The following ADAMTS6 variants were observed in gnomAD, a reference collection of about 807,000 sequenced individuals.
The protein encoded by ADAMTS6 is A disintegrin and metalloproteinase with thrombospondin motifs 6.
A neutral mutation model predicts 144.3 loss-of-function variants in ADAMTS6; 23 were observed. The ratio of observed to expected loss-of-function variants is 0.16; its 90% CI spans 0.11 to 0.23. ADAMTS6 has a LOEUF of 0.23. ADAMTS6 is among the 10% of genes least tolerant of loss of function. The pLI is 1.00. For synonymous variants in ADAMTS6, 444 were observed against 457.5 expected (o/e 0.97, Z 0.38); for missense variants, 999 against 1,379.6 (o/e 0.72, Z 4.37).
chr5:65,468,466 A>C (rs994622707), intron 3 of ADAMTS6, among the ~76,000 whole-genome samples: 1 of 151,984 alleles, frequency 6.6e-6, no homozygotes, highest in African/African-American at 2.4e-5. Flanking sequence ...GTAACATACA[A>C]AATAAGAATG....
chr5:65,465,550 T>G (rs1265701603), intron 3 of ADAMTS6, among the ~76,000 whole-genome samples: 1 of 152,226 alleles, frequency 6.6e-6, no homozygotes, highest in Non-Finnish European at 1.5e-5. Flanking sequence ...TTGAAATAAC[T>G]GTCTACATAC....
chr5:65,355,467 C>T (rs911914166), intron 7 of ADAMTS6, among the ~76,000 whole-genome samples: 2 of 151,802 alleles, frequency 1.3e-5, no homozygotes, highest in African/African-American at 4.8e-5. Context: ...CTGTGACACC[C>T]ACATCTGGCA....
rs1454639034 is a variant in ADAMTS6, at chr5:65,473,648, G to C, written c.26C>G (p.Thr9Ser). The C allele has an allele frequency of 1.7e-5, 28 of 1,613,590 alleles. 1 individual carries two copies. Among genetic ancestry groups the C allele is most frequent in the Non-Finnish European group, 2.3e-5 (27 of 1,179,692 alleles). MEILWKTL[T>S]WILSLIMASS... ...AGCCATGATGAGGCTCAAAATCCAG[G>C]TCAACGTCTTCCACAAAATTTCCAT... The change falls in exon 2 of 25, where the codon ACC becomes AGC. Residue 9 changes from threonine (T) to serine (S), a missense_variant. Transcript: ENST00000381055.
intron 1 of ADAMTS6, among the ~76,000 whole-genome samples, chr5:65,478,392 A>G (rs767810732): frequency 7.2e-5 from 11 of 152,192 alleles, no homozygotes; most frequent in Non-Finnish European, 1.3e-4. Context: ...TAGCAGAAAC[A>G]TCATTATGTT....
intron 14 of ADAMTS6, among the ~76,000 whole-genome samples, chr5:65,249,900 C>T (rs1346379804): frequency 6.6e-6 from 1 of 152,142 alleles, no homozygotes; most frequent in Non-Finnish European, 1.5e-5. Context: ...CTATCTGGTT[C>T]TCAGCTAGCT....
intron 9 of ADAMTS6, among the ~76,000 whole-genome samples, chr5:65,302,839 A>G (rs1333998516): frequency 6.6e-6 from 1 of 152,198 alleles, no homozygotes; most frequent in East Asian, 1.9e-4. Flanking sequence ...TCATGTTAAG[A>G]TAGGTGTGTA....
intron 20 of ADAMTS6, among the ~76,000 whole-genome samples, chr5:65,208,342 G>A (rs147940953): frequency 3.9e-5 from 6 of 152,290 alleles, no homozygotes; most frequent in Admixed American, 6.5e-5. Context: ...AAGACTCTCT[G>A]GGGGTGGGGA....
chr5:65,323,927 C>T (rs1361679912), intron 9 of ADAMTS6, among the ~76,000 whole-genome samples: 8 of 152,094 alleles, frequency 5.3e-5, no homozygotes, highest in African/African-American at 1.7e-4. Context: ...TTTTGAGAAG[C>T]GTCTGTTCAT....
At chr5:65,323,484 A>C (rs1745841201) in intron 9 of ADAMTS6, among the ~76,000 whole-genome samples, 1 of 151,976 alleles carries the variant, frequency 6.6e-6, no homozygotes, top group South Asian at 2.1e-4. Flanking sequence ...TCCATGGTGC[A>C]TATGTGCCAC....
intron 3 of ADAMTS6, among the ~76,000 whole-genome samples, chr5:65,468,412 C>T (rs1489539516): frequency 6.8e-6 from 1 of 147,066 alleles, no homozygotes; most frequent in Non-Finnish European, 1.5e-5. Flanking sequence ...GCACTCCAGC[C>T]TGGGCAAGAG....
At chr5:65,283,882 C>T (rs1253845083) in intron 11 of ADAMTS6, among the ~76,000 whole-genome samples, 2 of 152,024 alleles carry the variant, frequency 1.3e-5, no homozygotes, top group Non-Finnish European at 1.5e-5. Flanking sequence ...AATTTGTTAC[C>T]AGCAATCAAA....
At chr5:65,260,079 G>A (rs983834965) in intron 14 of ADAMTS6, among the ~76,000 whole-genome samples, 1 of 152,124 alleles carries the variant, frequency 6.6e-6, no homozygotes, top group South Asian at 2.1e-4. Flanking sequence ...AAGTAAGAAG[G>A]TGAAAGGAAG....
At chr5:65,187,913 C>G in intron 22 of ADAMTS6, 103 bp downstream of exon 22, 1 of 1,173,006 alleles carries the variant, frequency 8.5e-7, no homozygotes, top group South Asian at 1.4e-5. Flanking sequence ...ACAGCCCTTA[C>G]TTGTTGAGTT....
intron 7 of ADAMTS6, among the ~76,000 whole-genome samples, chr5:65,357,396 G>C (rs545262795): frequency 2.0e-5 from 3 of 151,336 alleles, no homozygotes; most frequent in Admixed American, 1.3e-4. Flanking sequence ...TATAGCAATA[G>C]ATACATTAAG....
intron 7 of ADAMTS6, among the ~76,000 whole-genome samples, chr5:65,430,891 T>C (rs1255231344): frequency 6.6e-6 from 1 of 152,184 alleles, no homozygotes. Context: ...TACTACTTGA[T>C]GTAGTTACTG....
intron 3 of ADAMTS6, among the ~76,000 whole-genome samples, chr5:65,464,265 TA>T (rs1337580498): frequency 6.6e-6 from 1 of 152,210 alleles, no homozygotes; most frequent in Non-Finnish European, 1.5e-5. Flanking sequence ...TATATAGGAT[TA>T]TAAATAAAAC....
chr5:65,444,042 A>G (rs1261933096), intron 7 of ADAMTS6, among the ~76,000 whole-genome samples: 1 of 152,192 alleles, frequency 6.6e-6, no homozygotes, highest in Non-Finnish European at 1.5e-5. Flanking sequence ...GAAGAAGCAT[A>G]ATGTCTTTCA....
At chr5:65,237,113 G>T (rs1758728700) in intron 15 of ADAMTS6, among the ~76,000 whole-genome samples, 1 of 151,796 alleles carries the variant, frequency 6.6e-6, no homozygotes, top group Admixed American at 6.6e-5. Flanking sequence ...CTGAAATAAG[G>T]CCAGGCATGG....
intron 7 of ADAMTS6, among the ~76,000 whole-genome samples, chr5:65,422,779 C>A (rs1244221270): frequency 6.6e-6 from 1 of 152,124 alleles, no homozygotes; most frequent in African/African-American, 2.4e-5. Context: ...TTTGATCCAG[C>A]AATCCCACTA....
Sources: allele counts gnomAD v4.1 joint callset (sites outside exome capture counted in the v4.1 genomes callset), GRCh38; gene constraint gnomAD v4.1.1; transcripts MANE v1.5; gene names NCBI Gene and HGNC (gene_info 2026-07-23, HGNC 2026-07-21).